TSPAN13: variants seen among roughly 807,000 people sequenced by gnomAD.
TSPAN13 encodes the protein tetraspanin 13.
In TSPAN13, 18 loss-of-function variants were observed where a neutral mutation model predicts 26.9. The observed-to-expected ratio is 0.67, with a 90% CI of 0.46 to 0.99. TSPAN13 has a LOEUF of 0.99. Ranked by LOEUF, TSPAN13 falls within the 50% of genes least tolerant of loss-of-function variation. TSPAN13 has a pLI of 0.00. For synonymous variants in TSPAN13, 116 were observed against 98.4 expected, an observed-to-expected ratio of 1.18 and a Z score of -1.06; for missense variants, 201 against 249.6, an observed-to-expected ratio of 0.81 and a Z score of 1.31.
At chr7:16,781,638 G>A (rs138008296) in intron 5 of TSPAN13, among the ~76,000 whole-genome samples, 167 of 152,196 alleles carry the variant, frequency 1.1e-3, no homozygotes, top group Non-Finnish European at 1.2e-3. Context: ...ATGTGGCTCC[G>A]GATTATGAGT....
chr7:16,772,952 C>T (rs117545308), intron 1 of TSPAN13, among the ~76,000 whole-genome samples: 4,783 of 152,088 alleles, frequency 0.031, 103 homozygotes, highest in Non-Finnish European at 0.048. Flanking sequence ...GCCGAAATTG[C>T]GCCACTGCAC....
chr7:16,777,994 G>A lies in TSPAN13; in HGVS notation c.426+83G>A, dbSNP rs1384453121. On this transcript the variant is annotated intron_variant, in intron 4 of 5. Transcript: ENST00000262067. The stretch of plus-strand genomic sequence containing the variant: ...ATGTGGAAGAAATGGACTTTCTGAT[G>A]CTGAATTGTATTTTCAGGATTATTT... The A allele has an allele frequency of 1.7e-5, 16 of 943,208 alleles. No individual in the cohort carries two copies. In the Admixed American group the frequency reaches 3.8e-4, roughly 23 times the overall value. The allele number at this position is 943,208 out of a possible 1,614,324, so 58.4% of individuals were successfully genotyped here. A position where few individuals can be genotyped will look rare whatever the true frequency, so the allele number is the denominator to read the frequency against.
At chr7:16,775,578 A>C (rs1057120137) in intron 1 of TSPAN13, among the ~76,000 whole-genome samples, 9 of 152,156 alleles carry the variant, frequency 5.9e-5, no homozygotes, top group Non-Finnish European at 1.0e-4. Flanking sequence ...TTCCCCAGGG[A>C]CCCGGTCTTG....
chr7:16,758,472 A>G (rs1398799163), intron 1 of TSPAN13, among the ~76,000 whole-genome samples: 2 of 152,222 alleles, frequency 1.3e-5, no homozygotes, highest in Non-Finnish European at 2.9e-5. Flanking sequence ...TAGAAATAAA[A>G]TTAAGTTGTT....
intron 1 of TSPAN13, among the ~76,000 whole-genome samples, chr7:16,756,059 A>G (rs1583784496): frequency 6.6e-6 from 1 of 152,204 alleles, no homozygotes; most frequent in African/African-American, 2.4e-5. Context: ...TGCTTCTTTT[A>G]CATTGTAAAT....
intron 5 of TSPAN13, among the ~76,000 whole-genome samples, chr7:16,783,082 G>A (rs962648757): frequency 3.9e-5 from 6 of 152,116 alleles, no homozygotes; most frequent in African/African-American, 1.4e-4. Context: ...ATATCATTGA[G>A]CCCACCTGGG....
intron 1 of TSPAN13, among the ~76,000 whole-genome samples, chr7:16,767,646 CA>C (rs1417768153): frequency 6.6e-6 from 1 of 152,004 alleles, no homozygotes; most frequent in Non-Finnish European, 1.5e-5. Flanking sequence ...GTAGCTACAA[CA>C]ATTTATATTC....
At chr7:16,758,024 G>A (rs1327297333) in intron 1 of TSPAN13, among the ~76,000 whole-genome samples, 12 of 151,988 alleles carry the variant, frequency 7.9e-5, no homozygotes, top group South Asian at 2.1e-4. Flanking sequence ...TAGTAGAGAC[G>A]GGGTTTCGCC....
chr7:16,769,470 T>A (rs1784648694), intron 1 of TSPAN13, among the ~76,000 whole-genome samples: 1 of 152,220 alleles, frequency 6.6e-6, no homozygotes, highest in Non-Finnish European at 1.5e-5. Flanking sequence ...TCAAATACAT[T>A]TCACAATTTT....
chr7:16,776,178 T>C, intron 1 of TSPAN13, 33 bp from the exon 2 acceptor site: 1 of 1,605,908 alleles, frequency 6.2e-7, no homozygotes, highest in Non-Finnish European at 8.5e-7. Context: ...CTCTCTCTCG[T>C]CCTCTACCCC....
Position 16,757,369 on chromosome 7 carries a change from T to C in TSPAN13, c.63+3339T>C, listed in dbSNP as rs945986592. ...AAGTAGTGAAAAAAACTTTTGAAAA[T>C]TATGCTTAGTGATTTGTGGGAAATT... On this transcript the variant is annotated intron_variant, in intron 1 of 5. Transcript: ENST00000262067. Among the ~76,000 whole-genome samples, 3 of 152,170 alleles carry C rather than the reference T, an allele frequency of 2.0e-5. No individual in the cohort carries two copies. In the East Asian group the frequency reaches 5.8e-4, roughly 29 times the overall value.
intron 1 of TSPAN13, among the ~76,000 whole-genome samples, chr7:16,770,392 T>G (rs927685210): frequency 5.9e-5 from 9 of 152,066 alleles, no homozygotes; most frequent in Non-Finnish European, 1.2e-4. Flanking sequence ...AATATTTTGG[T>G]AGAGACAGAG....
intron 5 of TSPAN13, among the ~76,000 whole-genome samples, chr7:16,780,914 T>A (rs868420084): frequency 3.3e-4 from 50 of 152,240 alleles, no homozygotes; most frequent in African/African-American, 9.4e-4. Context: ...TTATAACTTA[T>A]GCAACCTGGT....
In TSPAN13 at chr7:16,767,888, T is replaced by G. The variant is rs541323998; in HGVS notation, c.64-8323T>G. 5.3e-5 allele frequency among the ~76,000 whole-genome samples: 8 copies of G among 152,252 alleles called. No individual in the cohort carries two copies. In the South Asian group the frequency reaches 1.7e-3, roughly 32 times the overall value. ...GTTTGCTTTTTGTCTTAAGTTCATT[T>G]GTATTCATTTTTATTTTTTATTTAT... On this transcript the variant is annotated intron_variant, in intron 1 of 5. Coordinates refer to ENST00000262067, the MANE Select transcript of TSPAN13 (RefSeq NM_014399.4).
chr7:16,758,434 A>G (rs1784506731), intron 1 of TSPAN13, among the ~76,000 whole-genome samples: 1 of 152,186 alleles, frequency 6.6e-6, no homozygotes, highest in African/African-American at 2.4e-5. Flanking sequence ...ATAAAATCAG[A>G]TAGTATATAA....
intron 1 of TSPAN13, among the ~76,000 whole-genome samples, chr7:16,764,480 C>A (rs1784584675): frequency 6.6e-6 from 1 of 151,974 alleles, no homozygotes; most frequent in Non-Finnish European, 1.5e-5. Flanking sequence ...CTACTCTAGG[C>A]AACACACAGT....
intron 1 of TSPAN13, among the ~76,000 whole-genome samples, chr7:16,771,395 C>A (rs148497954): frequency 6.6e-6 from 1 of 152,156 alleles, no homozygotes; most frequent in African/African-American, 2.4e-5. Flanking sequence ...CCTACAAACA[C>A]GTTACTTTAC....
intron 4 of TSPAN13, among the ~76,000 whole-genome samples, chr7:16,778,158 C>T (rs1013868124): frequency 2.0e-5 from 3 of 152,162 alleles, no homozygotes; most frequent in Middle Eastern, 3.2e-3. Flanking sequence ...CTAATTTCTT[C>T]CCATCCTTCT....
chr7:16,769,914 G>A (rs149420839), intron 1 of TSPAN13, among the ~76,000 whole-genome samples: 3 of 152,160 alleles, frequency 2.0e-5, no homozygotes, highest in African/African-American at 7.2e-5. Context: ...GTCACTGAGT[G>A]TGATTTTTGC....
Sources: gnomAD v4.1 joint callset for allele counts (sites outside exome capture counted in the v4.1 genomes callset) on GRCh38, gnomAD v4.1.1 for gene constraint, MANE v1.5 for transcripts, NCBI Gene and HGNC (gene_info 2026-07-23, HGNC 2026-07-21) for gene names.